The following LARGE1 variants were observed in gnomAD, a reference collection of about 807,000 sequenced individuals.
The protein encoded by LARGE1 is xylosyl- and glucuronyltransferase LARGE1.
A neutral mutation model predicts 87.6 loss-of-function variants in LARGE1; 43 were observed. The observed-to-expected ratio is 0.49, with a 90% confidence interval of 0.38 to 0.63. The LOEUF is 0.63. Ranked by LOEUF, LARGE1 falls within the 30% of genes least tolerant of loss-of-function variation. The pLI is 0.00. For missense variants in LARGE1, 802 were observed against 1,000.2 expected (o/e 0.80, Z 2.67); for synonymous variants, 434 against 394.6 (o/e 1.10, Z -1.18).
chr22:33,535,822 C>T (rs747659922), intron 6 of LARGE1, among the ~76,000 whole-genome samples: 1 of 152,072 alleles, frequency 6.6e-6, no homozygotes, highest in Non-Finnish European at 1.5e-5. Flanking sequence ...TCGGTTCCCC[C>T]GTCCCATCTG....
chr22:33,681,830 T>C (rs2081782526), intron 2 of LARGE1, among the ~76,000 whole-genome samples: 2 of 152,262 alleles, frequency 1.3e-5, no homozygotes, highest in South Asian at 2.1e-4. Context: ...CAGGGTCATC[T>C]GGACAGTCAT....
downstream of LARGE1, among the ~76,000 whole-genome samples, chr22:33,271,387 AG>A (rs370258067): frequency 4.7e-3 from 715 of 152,312 alleles, 3 homozygotes; most frequent in African/African-American, 0.016. Context: ...AGGTTCCCCA[AG>A]TAGAAATGTT....
chr22:33,762,703 A>T (rs2084777358), intron 1 of LARGE1, among the ~76,000 whole-genome samples: 1 of 152,154 alleles, frequency 6.6e-6, no homozygotes, highest in South Asian at 2.1e-4. Flanking sequence ...GTGTCAACGG[A>T]AGAGGGAGCA....
chr22:33,212,844 C>T (rs79692519), intron 11 of LARGE1, among the ~76,000 whole-genome samples: 1 of 151,868 alleles, frequency 6.6e-6, no homozygotes, highest in Non-Finnish European at 1.5e-5. Context: ...GGTGAAACCC[C>T]GTCTCTACTA....
intron 1 of LARGE1, among the ~76,000 whole-genome samples, chr22:33,893,813 G>A (rs574593480): frequency 6.6e-6 from 1 of 152,206 alleles, no homozygotes; most frequent in Non-Finnish European, 1.5e-5. Flanking sequence ...CAAACCCCAC[G>A]TTTAACCATG....
intron 2 of LARGE1, among the ~76,000 whole-genome samples, chr22:33,657,622 T>C (rs2081003677): frequency 6.6e-6 from 1 of 152,070 alleles, no homozygotes; most frequent in Admixed American, 6.5e-5. Context: ...TTTTTGGCCA[T>C]AGATTATGGA....
chr22:33,663,625 T>C lies in LARGE1; in HGVS notation c.107-12957A>G, dbSNP rs142130848. Among the ~76,000 whole-genome samples, 524 of 152,250 alleles carry C rather than the reference T, an allele frequency of 3.4e-3. 1 individual carries two copies. The highest frequency in any genetic ancestry group is 0.012 in the African/African-American group (501 of 41,548). ...CCTGAGGGACTGATCTCAGAGACAG[T>C]GTCAGGATGGGGATGACGCGGCTGA... On this transcript the variant is annotated intron_variant, in intron 2 of 14. Transcript: ENST00000397394.
intron 7 of LARGE1, among the ~76,000 whole-genome samples, chr22:33,407,954 T>C (rs1432061595): frequency 6.6e-6 from 1 of 152,054 alleles, no homozygotes; most frequent in South Asian, 2.1e-4. Flanking sequence ...AAAGTCTGCA[T>C]GCATTCAGGG....
intron 1 of LARGE1, among the ~76,000 whole-genome samples, chr22:33,860,135 A>T (rs1216575118): frequency 6.6e-6 from 1 of 152,112 alleles, no homozygotes. Context: ...CAATTAAAAA[A>T]TTTTAAATTT....
intron 2 of LARGE1, among the ~76,000 whole-genome samples, chr22:33,652,755 C>T (rs995087151): frequency 6.6e-6 from 1 of 152,216 alleles, no homozygotes; most frequent in Non-Finnish European, 1.5e-5. Flanking sequence ...GCAGGTCTCA[C>T]TTGTGCTTGT....
the LARGE1 span, among the ~76,000 whole-genome samples, chr22:33,082,916 T>A: frequency 6.6e-6 from 1 of 151,990 alleles, no homozygotes; most frequent in Non-Finnish European, 1.5e-5. Flanking sequence ...TCCCAGCTAC[T>A]TGGGAGGCTG....
chr22:33,795,213 T>C (rs2085942708), intron 1 of LARGE1, among the ~76,000 whole-genome samples: 1 of 152,206 alleles, frequency 6.6e-6, no homozygotes, highest in Admixed American at 6.5e-5. Context: ...CAGTAACAAG[T>C]TGTAGGGCTG....
intron 10 of LARGE1, among the ~76,000 whole-genome samples, chr22:33,324,636 G>A (rs1224757493): frequency 1.3e-5 from 2 of 152,188 alleles, no homozygotes; most frequent in African/African-American, 4.8e-5. Flanking sequence ...AAGGACAGTG[G>A]CCTAGACTGA....
the LARGE1 span, among the ~76,000 whole-genome samples, chr22:33,153,002 G>A: frequency 6.6e-6 from 1 of 151,846 alleles, no homozygotes; most frequent in Non-Finnish European, 1.5e-5. Context: ...TATCAGCTTG[G>A]TTTTTACTCT....
At chr22:33,187,519 T>C (rs1923538669) in intron 11 of LARGE1, among the ~76,000 whole-genome samples, 2 of 152,138 alleles carry the variant, frequency 1.3e-5, no homozygotes, top group Non-Finnish European at 2.9e-5. Flanking sequence ...GGGGAAATGT[T>C]AGTAGAAGAA....
intron 4 of LARGE1, among the ~76,000 whole-genome samples, chr22:33,607,321 C>A (rs140971483): frequency 6.6e-6 from 1 of 151,884 alleles, no homozygotes; most frequent in Non-Finnish European, 1.5e-5. Context: ...ATTAGCCAGG[C>A]GTGGTGGCAG....
the LARGE1 span, among the ~76,000 whole-genome samples, chr22:33,094,599 T>C: frequency 6.8e-6 from 1 of 148,118 alleles, no homozygotes; most frequent in African/African-American, 2.5e-5. Context: ...CTTTCTTTCT[T>C]TTTTTTTTTT....
At chr22:33,644,458 C>T (rs1047211947) in intron 3 of LARGE1, among the ~76,000 whole-genome samples, 7 of 152,168 alleles carry the variant, frequency 4.6e-5, no homozygotes, top group Admixed American at 3.3e-4. Context: ...CAATATCATA[C>T]TGAATGGGCA....
intron 4 of LARGE1, among the ~76,000 whole-genome samples, chr22:33,621,567 T>C (rs1045397854): frequency 1.6e-4 from 24 of 152,190 alleles, no homozygotes; most frequent in African/African-American, 5.5e-4. Context: ...ACCACTATTA[T>C]TATATTATTA....
Sources: allele counts gnomAD v4.1 joint callset (sites outside exome capture counted in the v4.1 genomes callset), GRCh38; gene constraint gnomAD v4.1.1; transcripts MANE v1.5; gene names NCBI Gene and HGNC (gene_info 2026-07-23, HGNC 2026-07-21).